GTF2I: variants seen among roughly 807,000 people sequenced by gnomAD.
The protein encoded by GTF2I is general transcription factor IIi.
GTF2I carries 12 observed loss-of-function variants against 67.6 expected under a neutral mutation model. That is an observed-to-expected ratio of 0.18 (90% CI 0.11 to 0.29). GTF2I has a LOEUF of 0.29. GTF2I is among the 10% of genes least tolerant of loss of function. The pLI, the probability that GTF2I is intolerant of heterozygous loss-of-function variation, is 1.00. For missense variants in GTF2I, 271 were observed against 580.1 expected, an observed-to-expected ratio of 0.47 and a Z score of 5.47; for synonymous variants, 149 against 197.0, an observed-to-expected ratio of 0.76 and a Z score of 2.04.
At chr7:74,752,791 G>A (rs1156481084) in intron 28 of GTF2I, among the ~76,000 whole-genome samples, 2 of 127,898 alleles carry the variant, frequency 1.6e-5, no homozygotes, top group African/African-American at 5.6e-5. Flanking sequence ...AGCATTTTTA[G>A]TTAGGCATTA....
intron 1 of GTF2I, among the ~76,000 whole-genome samples, chr7:74,658,438 C>CCGCG (rs1244439970): frequency 2.7e-5 from 4 of 145,658 alleles, no homozygotes; most frequent in Non-Finnish European, 6.1e-5. Flanking sequence ...GCGTGCGATC[C>CCGCG]CGCGCGCGAG....
Position 74,693,073 on chromosome 7 carries a change from AT to A in GTF2I, c.238+1974del, listed in dbSNP as rs782793831. Among the ~76,000 whole-genome samples, 1,169 of 144,334 alleles carry A rather than the reference AT, an allele frequency of 8.1e-3. 9 individuals are homozygous for A. The highest frequency in any genetic ancestry group is 0.012 in the Non-Finnish European group (794 of 65,476). 94.7% of individuals were successfully genotyped at this position (144,334 alleles called of 152,430 possible). A position where few individuals can be genotyped will look rare whatever the true frequency, so the allele number is the denominator to read the frequency against. Reference sequence around the variant, plus strand: ...CACTGTGCCCGACCGGGCATATCTCATTTTTTTTTTTTGTGCCTTGCAGACA... The same window carrying A: ...CACTGTGCCCGACCGGGCATATCTCATTTTTTTTTTTGTGCCTTGCAGACA... On this transcript the variant is annotated intron_variant, in intron 3 of 34. Transcript: ENST00000573035.
intron 3 of GTF2I, among the ~76,000 whole-genome samples, chr7:74,695,151 A>G (rs1473545969): frequency 6.6e-6 from 1 of 152,042 alleles, no homozygotes; most frequent in African/African-American, 2.4e-5. Context: ...TTTTTTTGAG[A>G]CAGAGTTTTG....
intron 6 of GTF2I, among the ~76,000 whole-genome samples, chr7:74,704,291 T>TATTTATTTATTC (rs1790287436): frequency 6.6e-6 from 1 of 150,688 alleles, no homozygotes; most frequent in South Asian, 2.1e-4. Context: ...TTTATTTATT[T>TATTTATTTATTC]ATTTTTTTAT....
At chr7:74,695,671 C>G (rs1554398180) in intron 3 of GTF2I, among the ~76,000 whole-genome samples, 1 of 152,028 alleles carries the variant, frequency 6.6e-6, no homozygotes, top group Admixed American at 6.6e-5. Flanking sequence ...GTCCCTTACC[C>G]CCATGCTGTA....
At chr7:74,671,474 T>TC (rs1805449027) in intron 1 of GTF2I, among the ~76,000 whole-genome samples, 2 of 151,540 alleles carry the variant, frequency 1.3e-5, no homozygotes, top group African/African-American at 4.9e-5. Context: ...TGAAGTGTCT[T>TC]GTTTTTTTTT....
At chr7:74,713,622 TC>T (rs1791898555) in intron 9 of GTF2I, among the ~76,000 whole-genome samples, 1 of 152,150 alleles carries the variant, frequency 6.6e-6, no homozygotes, top group Non-Finnish European at 1.5e-5. Flanking sequence ...ACAGTGGGAA[TC>T]CTAGGAAACA....
intron 1 of GTF2I, among the ~76,000 whole-genome samples, chr7:74,679,501 CAGTT>C (rs1429047797): frequency 1.3e-5 from 2 of 152,126 alleles, no homozygotes; most frequent in African/African-American, 4.8e-5. Flanking sequence ...TTGCTTCAGT[CAGTT>C]CGTTTATGAT....
intron 1 of GTF2I, among the ~76,000 whole-genome samples, chr7:74,677,027 C>T (rs1307458429): frequency 6.6e-6 from 1 of 152,044 alleles, no homozygotes; most frequent in Non-Finnish European, 1.5e-5. Context: ...CCCCTGCACT[C>T]CAGCCTGGGC....
intron 1 of GTF2I, among the ~76,000 whole-genome samples, chr7:74,674,603 A>G (rs373229127): frequency 2.0e-5 from 3 of 151,944 alleles, no homozygotes; most frequent in East Asian, 3.9e-4. Flanking sequence ...CAGTCGTGCA[A>G]TCTCAGCTCA....
intron 12 of GTF2I, among the ~76,000 whole-genome samples, chr7:74,720,741 A>ATTTTTTTTTTTTTT (rs35442354): frequency 7.6e-6 from 1 of 132,372 alleles, no homozygotes; most frequent in African/African-American, 2.8e-5. Context: ...TAGAAGCTGT[A>ATTTTTTTTTTTTTT]TTTTTTTTTT....
intron 12 of GTF2I, among the ~76,000 whole-genome samples, chr7:74,723,856 A>G (rs1426011088): frequency 6.9e-6 from 1 of 145,788 alleles, no homozygotes; most frequent in Non-Finnish European, 1.5e-5. Flanking sequence ...AAAAGGGGGA[A>G]AAAAAAAAAA....
chr7:74,706,459 A>G (rs886402635), intron 8 of GTF2I, 26 bp downstream of exon 8: 13 of 1,545,448 alleles, frequency 8.4e-6, no homozygotes, highest in Non-Finnish European at 1.2e-5. Context: ...TTTAGAATCA[A>G]TGGTGAAATT....
At chr7:74,732,299 G>A (rs1239282470) in intron 14 of GTF2I, among the ~76,000 whole-genome samples, 180 bp from the exon 15 acceptor site, 11 of 151,198 alleles carry the variant, frequency 7.3e-5, no homozygotes, top group Admixed American at 1.3e-4. Context: ...GCGTGAGCCC[G>A]GGAGGCAGAG....
chr7:74,677,379 A>T lies in GTF2I; in HGVS notation c.-5-11745A>T, dbSNP rs1018230764. ...AGATGTCACTAATTTTTCCCTTGGC[A>T]TTAAGCGATACATGAATTCATTTTA... On this transcript the variant is annotated intron_variant, in intron 1 of 34. Transcript: ENST00000573035. 2.0e-5 allele frequency among the ~76,000 whole-genome samples: 3 copies of T among 152,272 alleles called. No individual in the cohort carries two copies. The East Asian group carries it at 5.8e-4, about 29-fold the overall frequency.
At chr7:74,677,291 T>G (rs1554392679) in intron 1 of GTF2I, among the ~76,000 whole-genome samples, 1 of 152,174 alleles carries the variant, frequency 6.6e-6, no homozygotes, top group African/African-American at 2.4e-5. Context: ...AACATTTTAC[T>G]TGATGAATTT....
At chr7:74,712,756 C>T (rs1282123855) in intron 9 of GTF2I, among the ~76,000 whole-genome samples, 4 of 148,118 alleles carry the variant, frequency 2.7e-5, no homozygotes, top group South Asian at 2.2e-4. Context: ...CTCCGCTTGC[C>T]GGGTTCAAGC....
intron 8 of GTF2I, among the ~76,000 whole-genome samples, chr7:74,709,625 A>G (rs781842548): frequency 1.8e-4 from 28 of 151,800 alleles, no homozygotes; most frequent in Non-Finnish European, 3.5e-4. Flanking sequence ...CTGAATCCCC[A>G]GTGGATCTGC....
At chr7:74,714,465 G>A (rs1554403188) in intron 9 of GTF2I, among the ~76,000 whole-genome samples, 1 of 152,000 alleles carries the variant, frequency 6.6e-6, no homozygotes, top group Non-Finnish European at 1.5e-5. Context: ...GCAAATATTT[G>A]CCAAAGAAGA....
Sources: allele counts gnomAD v4.1 joint callset (sites outside exome capture counted in the v4.1 genomes callset), GRCh38; gene constraint gnomAD v4.1.1; transcripts MANE v1.5; gene names NCBI Gene and HGNC (gene_info 2026-07-23, HGNC 2026-07-21).